ZNF160: variants seen among roughly 807,000 people sequenced by gnomAD.
The protein encoded by ZNF160 is zinc finger protein 160.
A neutral mutation model predicts 13.1 loss-of-function variants in ZNF160; 9 were observed. That is an observed-to-expected ratio of 0.69 (90% CI 0.41 to 1.20). The LOEUF (loss-of-function observed/expected upper bound fraction) is 1.20, where lower values mean the gene tolerates loss of function less well. ZNF160 is among the 50% of genes most tolerant of loss of function. The pLI is 0.01. For missense variants in ZNF160, 838 were observed against 988.0 expected (o/e 0.85, Z 2.04); for synonymous variants, 293 against 333.2 (o/e 0.88, Z 1.31).
chr19:53,074,169 G>T lies in ZNF160; in HGVS notation c.242C>A (p.Thr81Lys). ...SCVKIARKPR[T>K]PECVKGVVTD... ...GACCACGCCTTTGACACATTCCGGC[G>T]TTCTTGGTTTTCTTGCTATTTTCAC... The change falls in exon 5 of 6, where the codon ACG becomes AAG. Residue 81 changes from threonine (T) to lysine (K), a missense_variant. Around this residue, in one of 3 missense-constraint regions of ZNF160, gnomAD observed 387 missense variants for 402.3 expected, o/e 0.96. Coordinates refer to ENST00000683776, the MANE Select transcript of ZNF160 (RefSeq NM_001322131.2). 6.2e-7 allele frequency: 1 copy of T among 1,613,872 alleles called. No homozygotes were observed. Among genetic ancestry groups the T allele is most frequent in the Non-Finnish European group, 8.5e-7 (1 of 1,179,964 alleles).
chr19:53,094,861 A>G (rs2085162714), intron 1 of ZNF160, among the ~76,000 whole-genome samples: 1 of 152,146 alleles, frequency 6.6e-6, no homozygotes, highest in Non-Finnish European at 1.5e-5. Flanking sequence ...AGGCTGACAT[A>G]GCAGAAAATG....
rs1195503528 is a variant in ZNF160, at chr19:53,069,691, T to C, written c.843A>G (p.Gly281=). ...NLTSHRRIHS[G]EKPYKCSECG... is the part of the protein sequence containing the mutation. ...ACTCACTGCATTTGTAAGGCTTCTC[T>C]CCACTATGAATTCTCCTATGACTTG... The change falls in exon 6 of 6, where the codon GGA becomes GGG. Residue 281 remains glycine, a synonymous_variant. Coordinates refer to ENST00000683776, the MANE Select transcript of ZNF160 (RefSeq NM_001322131.2). This position sits in a 1 kb window ranked among gnomAD's most constrained non-coding sequence, Gnocchi z 4.4. 4 of 1,614,084 alleles carry C rather than the reference T, an allele frequency of 2.5e-6. No homozygotes were observed. Among genetic ancestry groups the C allele is most frequent in the African/African-American group, 2.7e-5 (2 of 74,930 alleles).
At position 53,069,827 on chromosome 19, in the gene ZNF160, T is replaced by A. The variant is rs781134511; in HGVS notation, c.707A>T (p.His236Leu). 1 of 1,614,168 alleles carries A rather than the reference T, an allele frequency of 6.2e-7. No homozygotes were observed. Among genetic ancestry groups the A allele is most frequent in the Non-Finnish European group, 8.5e-7 (1 of 1,180,018 alleles). Residue 236 changes from histidine to leucine, a missense_variant, in exon 6 of 6, where the codon CAT becomes CTT. Around this residue, in one of 3 missense-constraint regions of ZNF160, gnomAD observed 387 missense variants for 402.3 expected, o/e 0.96. Coordinates refer to ENST00000683776, the MANE Select transcript of ZNF160 (RefSeq NM_001322131.2). This position sits in a 1 kb window ranked among gnomAD's most constrained non-coding sequence, Gnocchi z 4.4. ...GAGTAATGAAAAATGGTTAAGTTCATGATATTTTTTAGACCTGTGGGTTTG... is the reference window on the plus strand; with the variant it reads ...GAGTAATGAAAAATGGTTAAGTTCAAGATATTTTTTAGACCTGTGGGTTTG... ...SVQTHRSKKYHELNHFSLLTQ... is the reference protein window; with the variant it reads ...SVQTHRSKKYLELNHFSLLTQ...
chr19:53,088,436 G>A (rs908075325), intron 2 of ZNF160, among the ~76,000 whole-genome samples: 7 of 140,542 alleles, frequency 5.0e-5, no homozygotes, highest in Non-Finnish European at 8.1e-5. Flanking sequence ...ACTTTGGGAG[G>A]TTGAGGTGGA....
chr19:53,093,003 G>C (rs1238369362), intron 1 of ZNF160, among the ~76,000 whole-genome samples: 2 of 152,122 alleles, frequency 1.3e-5, no homozygotes, highest in African/African-American at 4.8e-5. Flanking sequence ...TTTGATTTTG[G>C]ATCTTTTCAT....
chr19:53,069,812 A>G lies in ZNF160; in HGVS notation c.722T>C (p.Phe241Ser), dbSNP rs2084097495. The part of the protein sequence containing the change: ...RSKKYHELNH[F>S]SLLTQRRKAN... ...TTTTCGTCTTTGTGTGAGTAATGAAAAATGGTTAAGTTCATGATATTTTTT... is the reference window on the plus strand; with the variant it reads ...TTTTCGTCTTTGTGTGAGTAATGAAGAATGGTTAAGTTCATGATATTTTTT... The change falls in exon 6 of 6, where the codon TTT (phenylalanine) becomes TCT (serine). Residue 241 changes from phenylalanine (F) to serine (S), a missense_variant. Phe to Ser is a radical substitution (Grantham distance 155, BLOSUM62 -2). Around this residue, in one of 3 missense-constraint regions of ZNF160, gnomAD observed 387 missense variants for 402.3 expected, o/e 0.96. Transcript: ENST00000683776. The surrounding 1 kb of genome is among the most constrained non-coding windows in gnomAD (Gnocchi z 4.4). The G allele has an allele frequency of 6.2e-7, 1 of 1,614,186 alleles. No individual in the cohort carries two copies.
At position 53,068,850 on chromosome 19, in the gene ZNF160, C is replaced by T. The variant is rs764226047; in HGVS notation, c.1684G>A (p.Glu562Lys). The T allele has an allele frequency of 2.5e-6, 4 of 1,614,028 alleles. No homozygotes were observed. In the African/African-American group the frequency reaches 5.3e-5, roughly 22 times the overall value. Reference sequence around the variant, plus strand: ...CATTCATTACACTTGTAAGGTTTCTCTCCAGAATGAATTCCCCGATGACTT... The same window carrying T: ...CATTCATTACACTTGTAAGGTTTCTTTCCAGAATGAATTCCCCGATGACTT... ...LRSHRGIHSG[E>K]KPYKCNECGK... is the part of the protein sequence containing the mutation. Residue 562 changes from glutamate (E) to lysine (K), a missense_variant, in exon 6 of 6, where the codon GAG (glutamate) becomes AAG (lysine). Physicochemically the swap from Glu to Lys is moderately conservative, Grantham distance 56. Transcript: ENST00000683776.
Position 53,069,665 on chromosome 19 carries a change from C to T in ZNF160, c.869G>A (p.Cys290Tyr). 1 of 1,614,102 alleles carries T rather than the reference C, an allele frequency of 6.2e-7. No homozygotes were observed. ...SGEKPYKCSE[C>Y]GKTFTVRSNL... ...TGAACGAACAGTAAAGGTTTTGCCGCACTCACTGCATTTGTAAGGCTTCTC... is the reference window on the plus strand; with the variant it reads ...TGAACGAACAGTAAAGGTTTTGCCGTACTCACTGCATTTGTAAGGCTTCTC... Residue 290 changes from cysteine to tyrosine, a missense_variant, in exon 6 of 6, where the codon TGC (cysteine) becomes TAC (tyrosine). By Grantham distance (194) the Cys-to-Tyr change is radical (BLOSUM62 -2). Transcript: ENST00000683776. This position sits in a 1 kb window ranked among gnomAD's most constrained non-coding sequence, Gnocchi z 4.4.
intron 3 of ZNF160, among the ~76,000 whole-genome samples, chr19:53,077,804 C>G (rs1018907541): frequency 4.6e-5 from 7 of 151,734 alleles, no homozygotes; most frequent in African/African-American, 1.7e-4. Context: ...AATAAGACTC[C>G]TAAAGTTGCT....
intron 1 of ZNF160, among the ~76,000 whole-genome samples, chr19:53,099,125 C>T (rs2085351121): frequency 1.3e-5 from 2 of 151,156 alleles, no homozygotes; most frequent in African/African-American, 4.9e-5. Flanking sequence ...ATAATCCATG[C>T]AGAAGAGTGT....
chr19:53,080,488 CA>C (rs2084590132), intron 3 of ZNF160, among the ~76,000 whole-genome samples: 1 of 152,086 alleles, frequency 6.6e-6, no homozygotes, highest in African/African-American at 2.4e-5. Flanking sequence ...CCACACCCCC[CA>C]AAAAATGACT....
chr19:53,095,762 G>C (rs923353717), intron 1 of ZNF160: 2 of 150,892 alleles, frequency 1.3e-5, no homozygotes, highest in African/African-American at 4.9e-5. Context: ...ATCTCCCGTG[G>C]AATCCTAAGC....
chr19:53,089,518 G>C (rs2084958848), intron 2 of ZNF160, among the ~76,000 whole-genome samples: 1 of 151,868 alleles, frequency 6.6e-6, no homozygotes, highest in Non-Finnish European at 1.5e-5. Context: ...GCCCACAAAT[G>C]AATGAGTCAA....
intron 1 of ZNF160, among the ~76,000 whole-genome samples, chr19:53,094,515 C>A (rs1444818449): frequency 6.6e-6 from 1 of 152,112 alleles, no homozygotes; most frequent in Non-Finnish European, 1.5e-5. Flanking sequence ...CTCCTGGTAC[C>A]CTGAGCTAAG....
chr19:53,086,285 C>G lies in ZNF160; in HGVS notation c.-9G>C. 2 of 1,586,264 alleles carry G rather than the reference C, an allele frequency of 1.3e-6. No individual in the cohort carries two copies. Among genetic ancestry groups the G allele is most frequent in the Non-Finnish European group, 1.7e-6 (2 of 1,168,044 alleles). On this transcript the variant is annotated 5_prime_UTR_variant, in exon 3 of 6. Transcript: ENST00000683776. ...ACCTGAGTAAGGGCCATCCCTGACTCCTTTTCTTTCCTCTTCCTCTTCTTC... is the reference window on the plus strand; with the variant it reads ...ACCTGAGTAAGGGCCATCCCTGACTGCTTTTCTTTCCTCTTCCTCTTCTTC...
intron 5 of ZNF160, among the ~76,000 whole-genome samples, chr19:53,072,620 A>G (rs901170905): frequency 6.6e-6 from 1 of 152,062 alleles, no homozygotes; most frequent in African/African-American, 2.4e-5. Context: ...GGGAGGCTGC[A>G]GCAGGTGGAT....
chr19:53,085,078 A>C (rs1319355240), intron 3 of ZNF160: 9 of 817,868 alleles, frequency 1.1e-5, no homozygotes, highest in Non-Finnish European at 1.2e-5. Flanking sequence ...CTTGGCTTCC[A>C]CAAGTGCTGG....
At chr19:53,078,768 T>A in intron 3 of ZNF160, among the ~76,000 whole-genome samples, 2 of 148,000 alleles carry the variant, frequency 1.4e-5, no homozygotes, top group African/African-American at 5.0e-5. Context: ...CTGTATACTC[T>A]CATAAGTAGT....
intron 1 of ZNF160, among the ~76,000 whole-genome samples, chr19:53,093,911 G>A (rs1218541565): frequency 6.6e-6 from 1 of 152,076 alleles, no homozygotes; most frequent in Non-Finnish European, 1.5e-5. Flanking sequence ...AAAATGAGAT[G>A]CACCAACTTC....
Sources: gnomAD v4.1 joint callset for allele counts (sites outside exome capture counted in the v4.1 genomes callset) on GRCh38, gnomAD v4.1.1 for gene constraint, gnomAD v4.1.1 regional missense constraint, Gnocchi (gnomAD v3.1) non-coding constraint, MANE v1.5 for transcripts, NCBI Gene and HGNC (gene_info 2026-07-23, HGNC 2026-07-21) for gene names.